Variants in HSD17B2 observed in about 807,000 individuals in gnomAD.
HSD17B2 encodes hydroxysteroid 17-beta dehydrogenase 2.
In HSD17B2, 32 loss-of-function variants were observed where a neutral mutation model predicts 26.9. The observed-to-expected ratio is 1.19, with a 90% CI of 0.90 to 1.60. HSD17B2 has a LOEUF of 1.60. Among genes scored for constraint, HSD17B2 ranks in the 40% most tolerant of loss-of-function variants. The probability of loss-of-function intolerance (pLI) is 0.00; values close to 1 mark genes in which losing one functional copy is unlikely to be tolerated. For synonymous variants in HSD17B2, 246 were observed against 186.7 expected (o/e 1.32, Z -2.59); for missense variants, 613 against 468.6 (o/e 1.31, Z -2.85).
intron 1 of HSD17B2, among the ~76,000 whole-genome samples, chr16:82,066,659 A>T: frequency 6.6e-6 from 1 of 151,886 alleles, no homozygotes; most frequent in Admixed American, 6.6e-5. Context: ...ATTTTATTTT[A>T]TTTTTTTACA....
intron 1 of HSD17B2, among the ~76,000 whole-genome samples, chr16:82,063,409 T>C (rs1331064754): frequency 6.6e-6 from 1 of 152,138 alleles, no homozygotes; most frequent in African/African-American, 2.4e-5. Flanking sequence ...CAGAGAGTAA[T>C]TAGAAAGGCT....
chr16:82,090,154 T>C (rs1244704867), intron 3 of HSD17B2: 1 of 874,932 alleles, frequency 1.1e-6, no homozygotes, highest in African/African-American at 1.8e-5. Context: ...GCACAATCTG[T>C]TCGATTACAG....
At chr16:82,036,030 C>T (rs1355632839) in intron 1 of HSD17B2, among the ~76,000 whole-genome samples, 1 of 152,064 alleles carries the variant, frequency 6.6e-6, no homozygotes, top group African/African-American at 2.4e-5. Context: ...CTTAAATGGA[C>T]TTTTGTTCTG....
chr16:82,042,303 C>G (rs1038534557), intron 1 of HSD17B2, among the ~76,000 whole-genome samples: 4 of 152,034 alleles, frequency 2.6e-5, no homozygotes, highest in Admixed American at 1.3e-4. Context: ...CCACGCCCAG[C>G]CTCCCACAGT....
At chr16:82,051,414 C>A (rs1914102619) in intron 1 of HSD17B2, among the ~76,000 whole-genome samples, 1 of 152,176 alleles carries the variant, frequency 6.6e-6, no homozygotes, top group Admixed American at 6.5e-5. Flanking sequence ...ATGCCCCTTG[C>A]AGAGACATGG....
intron 1 of HSD17B2, among the ~76,000 whole-genome samples, chr16:82,038,375 G>A (rs1913675111): frequency 6.6e-6 from 1 of 151,900 alleles, no homozygotes; most frequent in African/African-American, 2.4e-5. Flanking sequence ...TTTGAGATGG[G>A]GTCTCAATCT....
At chr16:82,051,925 C>T (rs1186218660) in intron 1 of HSD17B2, among the ~76,000 whole-genome samples, 1 of 152,124 alleles carries the variant, frequency 6.6e-6, no homozygotes, top group Admixed American at 6.5e-5. Flanking sequence ...TCTCCCAGAC[C>T]CCACGGGCTT....
chr16:82,083,249 C>T (rs989140022), intron 3 of HSD17B2, among the ~76,000 whole-genome samples: 5 of 152,186 alleles, frequency 3.3e-5, no homozygotes, highest in Non-Finnish European at 7.4e-5. Flanking sequence ...CTAGAGTCAA[C>T]CATGTCCTTC....
rs915374856 is a variant in HSD17B2, at chr16:82,069,695, T to C, written c.479-1247T>C. Among the ~76,000 whole-genome samples, 10 of 152,332 alleles carry C rather than the reference T, an allele frequency of 6.6e-5. No individual in the cohort carries two copies. The Middle Eastern group carries it at 0.014, about 207-fold the overall frequency. ...GTATACCAAGAGTTCTCAATCCAACTGCACATTAGAATCATTTGAAAATTA... is the reference window on the plus strand; with the variant it reads ...GTATACCAAGAGTTCTCAATCCAACCGCACATTAGAATCATTTGAAAATTA... On this transcript the variant is annotated intron_variant, in intron 2 of 4. Coordinates refer to ENST00000199936, the MANE Select transcript of HSD17B2 (RefSeq NM_002153.3).
chr16:82,087,265 T>C (rs1456821284), intron 3 of HSD17B2, among the ~76,000 whole-genome samples: 1 of 152,164 alleles, frequency 6.6e-6, no homozygotes, highest in Non-Finnish European at 1.5e-5. Context: ...AAAAAATATG[T>C]TAAAAAAGTA....
intron 1 of HSD17B2, among the ~76,000 whole-genome samples, chr16:82,048,177 A>G (rs1451956565): frequency 6.6e-6 from 1 of 152,178 alleles, no homozygotes; most frequent in African/African-American, 2.4e-5. Context: ...ACCTAAAAAG[A>G]TATCTGAGAG....
chr16:82,040,566 CA>C (rs1019850321), intron 1 of HSD17B2, among the ~76,000 whole-genome samples: 26 of 152,172 alleles, frequency 1.7e-4, no homozygotes, highest in African/African-American at 6.3e-4. Flanking sequence ...TATTAGACCA[CA>C]AAGGTTACCC....
intron 1 of HSD17B2, chr16:82,052,150 T>C (rs1015673534): frequency 6.6e-6 from 1 of 152,364 alleles, no homozygotes; most frequent in South Asian, 2.1e-4. Context: ...ACTATTCTTA[T>C]ACGGGTTGGT....
At chr16:82,045,268 G>A (rs1369426613) in intron 1 of HSD17B2, among the ~76,000 whole-genome samples, 1 of 152,098 alleles carries the variant, frequency 6.6e-6, no homozygotes, top group African/African-American at 2.4e-5. Flanking sequence ...GTCAGCACTG[G>A]GCTGTTTACC....
chr16:82,062,053 G>A (rs990599792), intron 1 of HSD17B2, among the ~76,000 whole-genome samples: 4 of 152,136 alleles, frequency 2.6e-5, no homozygotes, highest in African/African-American at 7.2e-5. Flanking sequence ...GGGTGTTTCC[G>A]TTCACCAGCT....
chr16:82,048,206 T>C (rs1414122743), intron 1 of HSD17B2, among the ~76,000 whole-genome samples: 4 of 152,096 alleles, frequency 2.6e-5, no homozygotes, highest in African/African-American at 9.7e-5. Context: ...AGACAGAGAT[T>C]AGGACAGGGC....
chr16:82,077,632 A>G (rs1767872712), intron 3 of HSD17B2, among the ~76,000 whole-genome samples: 1 of 152,136 alleles, frequency 6.6e-6, no homozygotes, highest in Non-Finnish European at 1.5e-5. Context: ...CAGGAGGCTG[A>G]AGTGGGTGGA....
chr16:82,040,010 A>T (rs1428259872), intron 1 of HSD17B2, among the ~76,000 whole-genome samples: 1 of 152,190 alleles, frequency 6.6e-6, no homozygotes, highest in Non-Finnish European at 1.5e-5. Context: ...GGAAAGTGAG[A>T]AGGTATTCCA....
At chr16:82,083,904 C>A (rs991075546) in intron 3 of HSD17B2, among the ~76,000 whole-genome samples, 1 of 152,136 alleles carries the variant, frequency 6.6e-6, no homozygotes, top group African/African-American at 2.4e-5. Flanking sequence ...AAATATTTAA[C>A]CAAGTATCAG....
Sources: allele counts gnomAD v4.1 joint callset (sites outside exome capture counted in the v4.1 genomes callset), GRCh38; gene constraint gnomAD v4.1.1; transcripts MANE v1.5; gene names NCBI Gene and HGNC (gene_info 2026-07-23, HGNC 2026-07-21).